Variants in SLC39A11 observed in about 807,000 individuals in gnomAD.
The protein encoded by SLC39A11 is zinc transporter ZIP11.
Under a neutral mutation model 36.1 loss-of-function variants are expected in SLC39A11, and 33 were observed. That is an observed-to-expected ratio of 0.91 (90% confidence interval 0.69 to 1.22). The LOEUF is 1.22. Among genes scored for constraint, SLC39A11 ranks in the 50% most tolerant of loss-of-function variants. The pLI is 0.00. For synonymous variants in SLC39A11, 166 were observed against 170.3 expected (o/e 0.97, Z 0.20); for missense variants, 432 against 430.3 (o/e 1.00, Z -0.03).
chr17:72,892,742 T>C (rs972605595), intron 5 of SLC39A11, among the ~76,000 whole-genome samples: 2 of 152,176 alleles, frequency 1.3e-5, no homozygotes, highest in Admixed American at 6.6e-5. Flanking sequence ...ATCCAACCAG[T>C]AAACTGGATA....
intron 5 of SLC39A11, among the ~76,000 whole-genome samples, chr17:72,929,417 T>C (rs1471168159): frequency 6.6e-6 from 1 of 151,946 alleles, no homozygotes; most frequent in African/African-American, 2.4e-5. Context: ...GCTCGGGTAG[T>C]CTCCTTTCCA....
intron 6 of SLC39A11, among the ~76,000 whole-genome samples, chr17:72,827,862 A>G (rs2078097189): frequency 6.6e-6 from 1 of 152,246 alleles, no homozygotes; most frequent in African/African-American, 2.4e-5. Flanking sequence ...ACCCCTGGCC[A>G]GGTTACTGTG....
intron 5 of SLC39A11, among the ~76,000 whole-genome samples, chr17:72,910,591 C>T (rs9901990): frequency 0.51 from 72,239 of 141,202 alleles, 18,535 homozygotes; most frequent in Non-Finnish European, 0.53. Context: ...GTCACTGCAC[C>T]CCATCCTGGG....
intron 4 of SLC39A11, among the ~76,000 whole-genome samples, chr17:72,988,261 C>T (rs539181105): frequency 2.0e-5 from 3 of 152,258 alleles, no homozygotes; most frequent in Admixed American, 6.5e-5. Context: ...AAAACCAGTC[C>T]GGCCAACATG....
At chr17:72,909,847 G>A (rs1012300824) in intron 5 of SLC39A11, among the ~76,000 whole-genome samples, 5 of 150,980 alleles carry the variant, frequency 3.3e-5, no homozygotes, top group East Asian at 3.9e-4. Context: ...CCGCGTTCAC[G>A]CCATTCTCCT....
At chr17:72,717,145 T>C (rs1177768166) in intron 7 of SLC39A11, among the ~76,000 whole-genome samples, 2 of 147,724 alleles carry the variant, frequency 1.4e-5, no homozygotes, top group Admixed American at 6.8e-5. Flanking sequence ...TATATGTGTA[T>C]ATATATGTAT....
At chr17:72,666,135 G>T (rs186220963) in intron 7 of SLC39A11, among the ~76,000 whole-genome samples, 13 of 152,140 alleles carry the variant, frequency 8.5e-5, no homozygotes, top group Non-Finnish European at 1.9e-4. Flanking sequence ...TAAATTGGGC[G>T]ACCCGTAAGT....
intron 4 of SLC39A11, among the ~76,000 whole-genome samples, chr17:72,986,203 A>G (rs2088736883): frequency 6.6e-6 from 1 of 152,072 alleles, no homozygotes; most frequent in Admixed American, 6.6e-5. Flanking sequence ...AAACCAGTTC[A>G]CTCCCCAGTA....
intron 4 of SLC39A11, among the ~76,000 whole-genome samples, chr17:72,981,975 G>T (rs1225462447): frequency 6.6e-6 from 1 of 152,148 alleles, no homozygotes; most frequent in Admixed American, 6.5e-5. Context: ...CGGAGCAGTG[G>T]CACACATCTG....
rs141555454 is a variant in SLC39A11 at position 73,024,765 on chromosome 17, C to T, written c.306+6791G>A. On this transcript the variant is annotated intron_variant, in intron 4 of 9. Transcript: ENST00000255559. ...CAGGCTGGAGTGCAGCAGCGTGATC[C>T]CGGCTCACTGAAGCCTCCGCCTCTT... 2.7e-3 allele frequency among the ~76,000 whole-genome samples: 414 copies of T among 152,010 alleles called. 1 individual carries two copies. Among genetic ancestry groups the T allele is most frequent in the East Asian group, 0.017 (90 of 5,166 alleles).
intron 7 of SLC39A11, among the ~76,000 whole-genome samples, chr17:72,667,243 C>G (rs1010668177): frequency 4.6e-5 from 7 of 152,188 alleles, no homozygotes; most frequent in African/African-American, 1.7e-4. Flanking sequence ...CACCCTCAAA[C>G]AGCGGCATCT....
At chr17:72,963,256 C>T (rs552391348) in intron 4 of SLC39A11, among the ~76,000 whole-genome samples, 19 of 150,356 alleles carry the variant, frequency 1.3e-4, no homozygotes, top group Non-Finnish European at 2.4e-4. Context: ...CTGCAAGCTC[C>T]GCCTCCCGGG....
chr17:72,688,312 G>T (rs1217942159), intron 7 of SLC39A11, among the ~76,000 whole-genome samples: 1 of 152,222 alleles, frequency 6.6e-6, no homozygotes, highest in Admixed American at 6.5e-5. Flanking sequence ...GGCTACGAGG[G>T]GGCCCAGTGG....
At chr17:73,089,449 T>G (rs1482193933) in intron 1 of SLC39A11, among the ~76,000 whole-genome samples, 1 of 152,166 alleles carries the variant, frequency 6.6e-6, no homozygotes, top group African/African-American at 2.4e-5. Flanking sequence ...CTGGAATACC[T>G]TCCTTGCACA....
intron 4 of SLC39A11, among the ~76,000 whole-genome samples, chr17:72,948,306 G>T (rs976894979): frequency 6.8e-6 from 1 of 147,078 alleles, no homozygotes; most frequent in East Asian, 2.0e-4. Flanking sequence ...CGTCATCGCC[G>T]CACGCACACA....
rs750895326 is a variant in SLC39A11 at position 72,879,513 on chromosome 17, C to T, written c.431-29709G>A. Among the ~76,000 whole-genome samples the T allele has an allele frequency of 3.3e-5, 5 of 152,288 alleles. No homozygotes were observed. In the East Asian group the frequency reaches 9.7e-4, roughly 29 times the overall value. ...CACTGCTATCTAGTTTCTACATGCT[C>T]TTTTTACTTCATTATCATTTCTGCT... is the stretch of plus-strand genomic sequence containing the variant. On this transcript the variant is annotated intron_variant, in intron 5 of 9. Coordinates refer to ENST00000255559, the MANE Select transcript of SLC39A11 (RefSeq NM_139177.4).
rs61453793 is a variant in SLC39A11, at chr17:72,951,261, CA to C, written c.307-3387del. 7.5e-3 allele frequency among the ~76,000 whole-genome samples: 650 copies of C among 86,930 alleles called. 1 individual carries two copies. The highest frequency in any genetic ancestry group is 0.015 in the African/African-American group (338 of 22,440). 57.0% of individuals were successfully genotyped at this position (86,930 alleles called of 152,430 possible). A position where few individuals can be genotyped will look rare whatever the true frequency, so the allele number is the denominator to read the frequency against. ...TGGGCAACGGAGAGTGACCCTGTTG[CA>C]AAAAAAAAAAAAAAAAGCCAGCAAA... On this transcript the variant is annotated intron_variant, in intron 4 of 9. Coordinates refer to ENST00000255559, the MANE Select transcript of SLC39A11 (RefSeq NM_139177.4).
chr17:72,857,955 G>A (rs556441300), intron 5 of SLC39A11, among the ~76,000 whole-genome samples: 69 of 152,252 alleles, frequency 4.5e-4, no homozygotes, highest in African/African-American at 1.6e-3. Context: ...AGTTTCTTTT[G>A]CTGTGTAGAA....
intron 5 of SLC39A11, among the ~76,000 whole-genome samples, chr17:72,946,331 C>T (rs991228832): frequency 2.6e-5 from 4 of 152,112 alleles, no homozygotes; most frequent in African/African-American, 7.2e-5. Flanking sequence ...AAGTTGTGGG[C>T]GGCAGTGAGG....
Sources: allele counts gnomAD v4.1 joint callset (sites outside exome capture counted in the v4.1 genomes callset), GRCh38; gene constraint gnomAD v4.1.1; transcripts MANE v1.5; gene names NCBI Gene and HGNC (gene_info 2026-07-23, HGNC 2026-07-21).